Variants in ADGRB3 observed in about 807,000 individuals in gnomAD.
ADGRB3 encodes the protein adhesion G protein-coupled receptor B3.
In ADGRB3, 37 loss-of-function variants were observed where a neutral mutation model predicts 193.4. The ratio of observed to expected loss-of-function variants is 0.19; its 90% confidence interval spans 0.15 to 0.25. ADGRB3 has a LOEUF of 0.25. Among genes scored for constraint, ADGRB3 ranks in the 10% least tolerant of loss-of-function variants. ADGRB3 has a pLI of 1.00. For missense variants in ADGRB3, 1,637 were observed against 1,852.9 expected (o/e 0.88, Z 2.14); for synonymous variants, 690 against 644.2 (o/e 1.07, Z -1.08).
At position 68,956,123 on chromosome 6, in the gene ADGRB3, A is replaced by G. The variant is rs1317229344; in HGVS notation, c.1295A>G (p.His432Arg). The G allele has an allele frequency of 6.2e-6, 10 of 1,613,918 alleles. 1 individual carries two copies. In the South Asian group the frequency reaches 8.8e-5, roughly 14 times the overall value. The change falls in exon 7 of 32, where the codon CAT becomes CGT. Residue 432 changes from histidine (H) to arginine (R), a missense_variant. His to Arg is a conservative substitution (Grantham distance 29, BLOSUM62 0). Transcript: ENST00000370598. ...AGCCGGCAGTGCACTGCAGCTGCCC[A>G]TGGAGGCTCCGAATGCAGAGGGCCA... ...QRSRQCTAAA[H>R]GGSECRGPWA...
At chr6:69,326,459 C>G (rs1032841819) in intron 21 of ADGRB3, among the ~76,000 whole-genome samples, 1 of 152,070 alleles carries the variant, frequency 6.6e-6, no homozygotes, top group African/African-American at 2.4e-5. Flanking sequence ...TTAGTGACTA[C>G]CTTGTTTAAA....
chr6:68,977,165 A>C (rs1422153285), intron 10 of ADGRB3, among the ~76,000 whole-genome samples: 7 of 150,986 alleles, frequency 4.6e-5, no homozygotes, highest in Non-Finnish European at 8.9e-5. Flanking sequence ...GAGGGAATAT[A>C]ACATATAGCT....
chr6:69,287,533 T>C (rs778176347), intron 20 of ADGRB3, among the ~76,000 whole-genome samples: 3 of 152,204 alleles, frequency 2.0e-5, no homozygotes, highest in Non-Finnish European at 2.9e-5. Flanking sequence ...CTAGGTATCT[T>C]CACAAATATT....
intron 20 of ADGRB3, among the ~76,000 whole-genome samples, chr6:69,312,118 G>T (rs1374997891): frequency 6.6e-6 from 1 of 151,622 alleles, no homozygotes; most frequent in Non-Finnish European, 1.5e-5. Flanking sequence ...CTCCCCACAG[G>T]AATCTCACTC....
At chr6:68,782,007 C>T (rs867232087) in intron 3 of ADGRB3, among the ~76,000 whole-genome samples, 1 of 151,804 alleles carries the variant, frequency 6.6e-6, no homozygotes, top group Admixed American at 6.6e-5. Context: ...TTTTAGGGTA[C>T]ATGTGCACAA....
At chr6:68,705,226 A>G (rs1765304933) in intron 3 of ADGRB3, among the ~76,000 whole-genome samples, 1 of 152,200 alleles carries the variant, frequency 6.6e-6, no homozygotes, top group Non-Finnish European at 1.5e-5. Context: ...AACACTCAAT[A>G]TAATGTTTGC....
chr6:68,636,625 CTG>C (rs1442461236), intron 1 of ADGRB3, among the ~76,000 whole-genome samples: 1 of 147,216 alleles, frequency 6.8e-6, no homozygotes, highest in Non-Finnish European at 1.5e-5. Context: ...CAAAATAAGA[CTG>C]TGTACTCCAG....
intron 3 of ADGRB3, among the ~76,000 whole-genome samples, chr6:68,740,770 T>C (rs140899122): frequency 6.6e-6 from 1 of 152,316 alleles, no homozygotes; most frequent in East Asian, 1.9e-4. Context: ...CTTTGGTGTA[T>C]CTATAGAAGG....
chr6:69,176,140 C>T (rs540961940), intron 17 of ADGRB3, among the ~76,000 whole-genome samples: 1 of 151,860 alleles, frequency 6.6e-6, no homozygotes, highest in South Asian at 2.1e-4. Context: ...TTTTCTTCTC[C>T]CTGATTTATC....
At chr6:69,237,162 A>T (rs1206886514) in intron 19 of ADGRB3, among the ~76,000 whole-genome samples, 1 of 152,026 alleles carries the variant, frequency 6.6e-6, no homozygotes, top group East Asian at 1.9e-4. Flanking sequence ...TACTAGAAGG[A>T]TGCCATTATA....
chr6:69,219,480 T>C (rs1340531777), intron 17 of ADGRB3, among the ~76,000 whole-genome samples: 1 of 79,604 alleles, frequency 1.3e-5, no homozygotes, highest in Non-Finnish European at 2.4e-5. Flanking sequence ...TATATATATA[T>C]ATATATATAT....
intron 4 of ADGRB3, among the ~76,000 whole-genome samples, chr6:68,934,084 GA>G (rs1012884355): frequency 2.6e-5 from 4 of 152,084 alleles, no homozygotes; most frequent in African/African-American, 9.7e-5. Context: ...TATAAATAAG[GA>G]AGTGGCAGCA....
chr6:68,777,575 T>A (rs1197707932), intron 3 of ADGRB3, among the ~76,000 whole-genome samples: 1 of 149,456 alleles, frequency 6.7e-6, no homozygotes, highest in Non-Finnish European at 1.5e-5. Flanking sequence ...TTATAGTGAA[T>A]GGCTAAAATA....
chr6:68,712,912 A>T (rs34833631), intron 3 of ADGRB3, among the ~76,000 whole-genome samples: 4,836 of 149,186 alleles, frequency 0.032, 267 homozygotes, highest in African/African-American at 0.11. Flanking sequence ...TAATAAAATA[A>T]TTTTTTTTAT....
intron 3 of ADGRB3, among the ~76,000 whole-genome samples, chr6:68,750,416 G>A (rs998016857): frequency 1.2e-4 from 19 of 152,112 alleles, no homozygotes; most frequent in African/African-American, 4.6e-4. Context: ...ATTTTGTATT[G>A]CTGGGGGTTT....
intron 26 of ADGRB3, among the ~76,000 whole-genome samples, chr6:69,351,865 T>A (rs1769233338): frequency 6.6e-6 from 1 of 152,216 alleles, no homozygotes; most frequent in Non-Finnish European, 1.5e-5. Flanking sequence ...TTGGGAGTGG[T>A]TAGCAAGGAC....
intron 8 of ADGRB3, 65 bp downstream of exon 8, chr6:68,956,874 A>C: frequency 6.4e-7 from 1 of 1,557,172 alleles, no homozygotes; most frequent in Middle Eastern, 1.7e-4. Context: ...AAGATTTAAA[A>C]ATATTGTCAT....
intron 17 of ADGRB3, among the ~76,000 whole-genome samples, chr6:69,109,713 G>T (rs1207333652): frequency 6.6e-6 from 1 of 152,178 alleles, no homozygotes; most frequent in Admixed American, 6.5e-5. Context: ...TGGCAGGTCA[G>T]TGACTATTCA....
intron 20 of ADGRB3, among the ~76,000 whole-genome samples, chr6:69,277,664 T>C (rs1352892445): frequency 3.9e-5 from 6 of 152,148 alleles, no homozygotes; most frequent in Non-Finnish European, 7.4e-5. Context: ...CTAATGCTTC[T>C]CCCACCTCCA....
Sources: gnomAD v4.1 joint callset for allele counts (sites outside exome capture counted in the v4.1 genomes callset) on GRCh38, gnomAD v4.1.1 for gene constraint, MANE v1.5 for transcripts, NCBI Gene and HGNC (gene_info 2026-07-23, HGNC 2026-07-21) for gene names.